The following ACTL6A variants were observed in gnomAD, a reference collection of about 807,000 sequenced individuals.
ACTL6A encodes actin like 6A.
Under a neutral mutation model 59.2 loss-of-function variants are expected in ACTL6A, and 5 were observed. The observed-to-expected ratio is 0.08, with a 90% CI of 0.04 to 0.18. The LOEUF (loss-of-function observed/expected upper bound fraction) is 0.18. ACTL6A is among the 10% of genes least tolerant of loss of function. The pLI is 1.00. For missense variants in ACTL6A, 285 were observed against 526.9 expected (o/e 0.54, Z 4.49); for synonymous variants, 154 against 171.8 (o/e 0.90, Z 0.81).
intron 8 of ACTL6A, among the ~76,000 whole-genome samples, chr3:179,577,947 A>G (rs942168308): frequency 2.0e-5 from 3 of 152,064 alleles, no homozygotes; most frequent in South Asian, 2.1e-4. Context: ...TGCAGTGTAC[A>G]TACACATACA....
At chr3:179,586,277 C>T (rs1047857635) in intron 12 of ACTL6A, among the ~76,000 whole-genome samples, 1 of 151,830 alleles carries the variant, frequency 6.6e-6, no homozygotes, top group Non-Finnish European at 1.5e-5. Flanking sequence ...TTCAAAATTA[C>T]CGTATTTTAA....
In ACTL6A at chr3:179,570,428, G is replaced by C. The variant is rs1717969850; in HGVS notation, c.277+187G>C. ...TAAGAAATGTTCCTTTTCATTAAAA[G>C]CTTACAGTTAGTTGGGGGAAATAGA... is the stretch of plus-strand genomic sequence containing the variant. On this transcript the variant is annotated intron_variant, in intron 3 of 13. Coordinates refer to ENST00000429709, the MANE Select transcript of ACTL6A (RefSeq NM_004301.5). The surrounding 1 kb of genome is among the most constrained non-coding windows in gnomAD (Gnocchi z 4.3). 1 of 551,060 alleles carries C rather than the reference G, an allele frequency of 1.8e-6. No homozygotes were observed. Among genetic ancestry groups the C allele is most frequent in the Non-Finnish European group, 3.1e-6 (1 of 324,378 alleles). 34.1% of individuals were successfully genotyped at this position (551,060 alleles called of 1,614,324 possible).
chr3:179,585,945 A>C (rs1182739866), intron 12 of ACTL6A, among the ~76,000 whole-genome samples: 1 of 152,188 alleles, frequency 6.6e-6, no homozygotes, highest in Admixed American at 6.5e-5. Context: ...GGGTGAACTA[A>C]GGAGGGATTA....
Position 179,563,739 on chromosome 3 carries a change from T to C in ACTL6A, c.25+622T>C, listed in dbSNP as rs572412506. Among the ~76,000 whole-genome samples the C allele has an allele frequency of 1.2e-4, 19 of 152,310 alleles. No individual in the cohort carries two copies. In the East Asian group the frequency reaches 2.1e-3, roughly 17 times the overall value. ...GCTGCGGAGTCTCCAGAGTGACTCG[T>C]GGGCGGGTCTGTTTGAGATCAATTC... On this transcript the variant is annotated intron_variant, in intron 1 of 13. Transcript: ENST00000429709.
rs1190282505 is a variant in ACTL6A, at chr3:179,581,234, T to C, written c.1026+14T>C. 1 of 1,602,182 alleles carries C rather than the reference T, an allele frequency of 6.2e-7. No homozygotes were observed. The highest frequency in any genetic ancestry group is 8.6e-7 in the Non-Finnish European group (1 of 1,169,358). The stretch of plus-strand genomic sequence containing the variant: ...GACATCAGACCAGTAAGTGCCAGTC[T>C]CCTGTTACGGTTTAAAGGTATCTTT... On this transcript the variant is annotated intron_variant, in intron 11 of 13. Coordinates refer to ENST00000429709, the MANE Select transcript of ACTL6A (RefSeq NM_004301.5).
intron 11 of ACTL6A, 64 bp from the exon 12 acceptor site, chr3:179,583,289 A>T: frequency 8.1e-7 from 1 of 1,236,466 alleles, no homozygotes; most frequent in Non-Finnish European, 1.2e-6. Flanking sequence ...TTATATTTGT[A>T]GTTGTATTTA....
chr3:179,586,327 A>G (rs563409561), intron 12 of ACTL6A, among the ~76,000 whole-genome samples: 21 of 151,412 alleles, frequency 1.4e-4, no homozygotes, highest in African/African-American at 5.1e-4. Flanking sequence ...GAAGTCTGTC[A>G]AAATTGAATT....
intron 9 of ACTL6A, 63 bp downstream of exon 9, chr3:179,580,764 T>C (rs1165856756): frequency 7.8e-6 from 11 of 1,401,800 alleles, no homozygotes; most frequent in African/African-American, 1.5e-5. Context: ...AAAAAATACT[T>C]AATTGAATAA....
chr3:179,586,860 G>A (rs1718510544), intron 13 of ACTL6A, among the ~76,000 whole-genome samples: 1 of 152,170 alleles, frequency 6.6e-6, no homozygotes, highest in South Asian at 2.1e-4. Flanking sequence ...CTCAAACAGA[G>A]GTGGAAATAT....
At chr3:179,581,326 G>A (rs985896849) in intron 11 of ACTL6A, 106 bp downstream of exon 11, 1 of 916,876 alleles carries the variant, frequency 1.1e-6, no homozygotes, top group South Asian at 1.4e-5. Context: ...CAGTGTCATT[G>A]ACTTTGAGGT....
At chr3:179,577,704 T>A (rs1169759827) in intron 8 of ACTL6A, among the ~76,000 whole-genome samples, 1 of 152,142 alleles carries the variant, frequency 6.6e-6, no homozygotes, top group Admixed American at 6.6e-5. Flanking sequence ...ATCATCTAGC[T>A]CTCACTTGTA....
chr3:179,573,841 T>C (rs1351741498), intron 4 of ACTL6A, among the ~76,000 whole-genome samples: 1 of 152,124 alleles, frequency 6.6e-6, no homozygotes, highest in Non-Finnish European at 1.5e-5. Context: ...CAAGAAAGAA[T>C]TGAGATGTTG....
rs528766241 is a variant in ACTL6A, at chr3:179,567,651, A to G, written c.26-2173A>G. 1.2e-3 allele frequency among the ~76,000 whole-genome samples: 189 copies of G among 152,336 alleles called. 1 individual carries two copies. Among genetic ancestry groups the G allele is most frequent in the Non-Finnish European group, 2.1e-3 (146 of 68,022 alleles). On this transcript the variant is annotated intron_variant, in intron 1 of 13. Transcript: ENST00000429709. ...ACCCAGCATTCTGGTTAATAAAAGT[A>G]TTAAATTTTACCAACTCATATTCAT...
intron 8 of ACTL6A, among the ~76,000 whole-genome samples, chr3:179,580,296 TCTTG>T (rs1365145134): frequency 6.6e-6 from 1 of 152,210 alleles, no homozygotes; most frequent in Admixed American, 6.5e-5. Context: ...GGTAATGAAA[TCTTG>T]CTTCTAATCT....
chr3:179,569,588 C>T (rs933363617), intron 1 of ACTL6A, among the ~76,000 whole-genome samples: 2 of 152,096 alleles, frequency 1.3e-5, no homozygotes, highest in South Asian at 4.2e-4. Flanking sequence ...ATGCCTGCAG[C>T]ACTTTGGGAT....
intron 12 of ACTL6A, among the ~76,000 whole-genome samples, chr3:179,585,937 G>A (rs1032241294): frequency 6.6e-6 from 1 of 152,144 alleles, no homozygotes; most frequent in African/African-American, 2.4e-5. Context: ...AAGGGTTGGG[G>A]TGAACTAAGG....
intron 9 of ACTL6A, 85 bp from the exon 10 acceptor site, chr3:179,580,809 A>G (rs1312168034): frequency 2.3e-6 from 3 of 1,323,406 alleles, no homozygotes; most frequent in African/African-American, 1.5e-5. Flanking sequence ...TTTTTTTTTT[A>G]CAAGTTTATA....
At chr3:179,583,935 A>G (rs1276127495) in intron 12 of ACTL6A, among the ~76,000 whole-genome samples, 1 of 152,236 alleles carries the variant, frequency 6.6e-6, no homozygotes, top group Non-Finnish European at 1.5e-5. Context: ...ATTTACAAAA[A>G]TACTAAGAGA....
At chr3:179,571,764 C>T (rs1487881544) in intron 3 of ACTL6A, among the ~76,000 whole-genome samples, 1 of 152,182 alleles carries the variant, frequency 6.6e-6, no homozygotes, top group Admixed American at 6.5e-5. Flanking sequence ...ATGTAGGTAC[C>T]ATCTACCTGG....
Sources: allele counts gnomAD v4.1 joint callset (sites outside exome capture counted in the v4.1 genomes callset), GRCh38; gene constraint gnomAD v4.1.1; non-coding constraint Gnocchi (gnomAD v3.1); transcripts MANE v1.5; gene names NCBI Gene and HGNC (gene_info 2026-07-23, HGNC 2026-07-21).